Variants in ERC1 observed in about 807,000 individuals in gnomAD.
The protein encoded by ERC1 is RAB6 interacting protein 2.
Under a neutral mutation model 132.0 loss-of-function variants are expected in ERC1, and 56 were observed. That is an observed-to-expected ratio of 0.42 (90% CI 0.34 to 0.53). The LOEUF is 0.53. Among genes scored for constraint, ERC1 ranks in the 20% least tolerant of loss-of-function variants. The pLI, the probability that ERC1 is intolerant of heterozygous loss-of-function variation, is 0.03. For missense variants in ERC1, 1,202 were observed against 1,349.9 expected (o/e 0.89, Z 1.72); for synonymous variants, 478 against 476.1 (o/e 1.00, Z -0.05).
intron 15 of ERC1, among the ~76,000 whole-genome samples, chr12:1,336,111 C>T (rs1444311355): frequency 6.6e-6 from 1 of 152,000 alleles, no homozygotes; most frequent in African/African-American, 2.4e-5. Context: ...TAATAATATC[C>T]TTTTTGTTAT....
intron 1 of ERC1, among the ~76,000 whole-genome samples, chr12:995,658 G>A (rs1960681206): frequency 6.6e-6 from 1 of 152,146 alleles, no homozygotes. Flanking sequence ...GTGGAGAAGA[G>A]ATCCAAACAT....
chr12:1,069,233 A>G (rs1044542347), intron 2 of ERC1, among the ~76,000 whole-genome samples: 1 of 152,214 alleles, frequency 6.6e-6, no homozygotes, highest in Non-Finnish European at 1.5e-5. Context: ...GTGCTATATG[A>G]TTAGATATCA....
chr12:1,097,871 T>C (rs1253560850), intron 3 of ERC1, among the ~76,000 whole-genome samples: 1 of 152,022 alleles, frequency 6.6e-6, no homozygotes, highest in East Asian at 1.9e-4. Context: ...CCCCCCACCA[T>C]GCTCAGCTAC....
In ERC1 at chr12:1,442,329, G is replaced by T. The variant is rs1235605307; in HGVS notation, c.3025-2233G>T. On this transcript the variant is annotated intron_variant, in intron 17 of 18. Coordinates refer to ENST00000360905, the MANE Select transcript of ERC1 (RefSeq NM_178040.4). ...CTCCCCCACTCTAAATTCTCTACTTGATTGAAACACTGTCTTCCTTCTGTG... is the reference window on the plus strand; with the variant it reads ...CTCCCCCACTCTAAATTCTCTACTTTATTGAAACACTGTCTTCCTTCTGTG... 4.6e-5 allele frequency among the ~76,000 whole-genome samples: 7 copies of T among 152,304 alleles called. No individual in the cohort carries two copies. In the East Asian group the frequency reaches 1.3e-3, roughly 29 times the overall value.
intron 2 of ERC1, among the ~76,000 whole-genome samples, chr12:1,033,249 G>C (rs1968408733): frequency 6.6e-6 from 1 of 151,934 alleles, no homozygotes; most frequent in African/African-American, 2.4e-5. Flanking sequence ...TGTTAGCCAG[G>C]ATGGTCTCAA....
chr12:1,400,414 T>C (rs1433433650), intron 16 of ERC1, among the ~76,000 whole-genome samples: 1 of 152,222 alleles, frequency 6.6e-6, no homozygotes, highest in Non-Finnish European at 1.5e-5. Flanking sequence ...TAAAATTTTA[T>C]AAATTTTGAT....
intron 1 of ERC1, among the ~76,000 whole-genome samples, chr12:1,007,516 T>TTCTCTCTCTCTCTCTCTC (rs377671282): frequency 1.1e-3 from 139 of 122,808 alleles, no homozygotes; most frequent in Admixed American, 2.2e-3. Context: ...CACTGGGTAA[T>TTCTCTCTCTCTCTCTCTC]TCTCTCTCTC....
At chr12:1,202,715 T>G (rs1957024834) in intron 12 of ERC1, among the ~76,000 whole-genome samples, 1 of 152,068 alleles carries the variant, frequency 6.6e-6, no homozygotes, top group Non-Finnish European at 1.5e-5. Context: ...TCATGAATAA[T>G]AAAGTAGGTA....
At chr12:1,139,361 C>T (rs1447346059) in intron 7 of ERC1, among the ~76,000 whole-genome samples, 2 of 152,070 alleles carry the variant, frequency 1.3e-5, no homozygotes, top group African/African-American at 4.8e-5. Flanking sequence ...TTCACATAAC[C>T]CTTATTTTAT....
chr12:1,347,229 A>C (rs1013570911), intron 15 of ERC1, among the ~76,000 whole-genome samples: 3 of 152,216 alleles, frequency 2.0e-5, no homozygotes, highest in South Asian at 4.1e-4. Context: ...ATCCTAATCA[A>C]AATTAACTAC....
intron 8 of ERC1, among the ~76,000 whole-genome samples, chr12:1,153,210 C>A (rs1247249989): frequency 6.6e-6 from 1 of 152,212 alleles, no homozygotes; most frequent in Non-Finnish European, 1.5e-5. Flanking sequence ...ATGAAGAACA[C>A]TGAGGTGACT....
intron 15 of ERC1, among the ~76,000 whole-genome samples, chr12:1,355,195 G>A (rs769995538): frequency 2.0e-5 from 3 of 152,132 alleles, no homozygotes; most frequent in Non-Finnish European, 4.4e-5. Flanking sequence ...ATAAGCAAAT[G>A]AGCAAGGTTT....
At chr12:1,070,808 A>G (rs1940202726) in intron 2 of ERC1, among the ~76,000 whole-genome samples, 1 of 152,204 alleles carries the variant, frequency 6.6e-6, no homozygotes, top group African/African-American at 2.4e-5. Context: ...CTGTCAAGAT[A>G]CAGAACATTT....
chr12:1,476,845 G>A (rs10848475), intron 18 of ERC1, among the ~76,000 whole-genome samples: 58,622 of 152,022 alleles, frequency 0.39, 12,024 homozygotes, highest in African/African-American at 0.51. Context: ...TAATGAAAAC[G>A]AGAACAAACT....
chr12:1,227,131 T>G (rs1424985008), intron 12 of ERC1, among the ~76,000 whole-genome samples: 1 of 152,206 alleles, frequency 6.6e-6, no homozygotes, highest in Non-Finnish European at 1.5e-5. Flanking sequence ...ATTTCAGTTG[T>G]TTTTGATGTG....
At chr12:1,473,705 C>G (rs1318809644) in intron 18 of ERC1, among the ~76,000 whole-genome samples, 1 of 151,748 alleles carries the variant, frequency 6.6e-6, no homozygotes, top group Non-Finnish European at 1.5e-5. Context: ...ATTACCACTT[C>G]CGGCCCACTT....
intron 2 of ERC1, among the ~76,000 whole-genome samples, chr12:1,057,086 A>G (rs1157282498): frequency 1.3e-5 from 2 of 152,176 alleles, no homozygotes; most frequent in Non-Finnish European, 2.9e-5. Context: ...CATGGCAAAC[A>G]TGGCAGAAAT....
intron 15 of ERC1, among the ~76,000 whole-genome samples, chr12:1,364,510 C>T (rs2086469717): frequency 6.6e-6 from 1 of 152,212 alleles, no homozygotes; most frequent in African/African-American, 2.4e-5. Flanking sequence ...TGATTTAGAG[C>T]TGCCTCTTCA....
intron 15 of ERC1, among the ~76,000 whole-genome samples, chr12:1,305,060 G>C (rs1174619321): frequency 6.6e-6 from 1 of 152,136 alleles, no homozygotes; most frequent in Non-Finnish European, 1.5e-5. Context: ...GATTACAGGC[G>C]TGAGCCACTG....
Sources: gnomAD v4.1 joint callset for allele counts (sites outside exome capture counted in the v4.1 genomes callset) on GRCh38, gnomAD v4.1.1 for gene constraint, MANE v1.5 for transcripts, NCBI Gene and HGNC (gene_info 2026-07-23, HGNC 2026-07-21) for gene names.